Variants in ARPC1A observed in about 807,000 individuals in gnomAD.
The protein encoded by ARPC1A is actin-related protein 2/3 complex subunit 1A.
In ARPC1A, 8 loss-of-function variants were observed where a neutral mutation model predicts 46.9. The observed-to-expected ratio is 0.17, with a 90% CI of 0.10 to 0.31. The LOEUF is 0.31. ARPC1A is among the 10% of genes least tolerant of loss of function. The pLI, the probability that ARPC1A is intolerant of heterozygous loss-of-function variation, is 1.00. For synonymous variants in ARPC1A, 152 were observed against 169.0 expected, an observed-to-expected ratio of 0.90 and a Z score of 0.78; for missense variants, 286 against 483.6, an observed-to-expected ratio of 0.59 and a Z score of 3.83.
Position 99,366,008 on chromosome 7 carries a change from C to T in ARPC1A, c.*79C>T. On this transcript the variant is annotated 3_prime_UTR_variant, in exon 10 of 10. Coordinates refer to ENST00000262942, the MANE Select transcript of ARPC1A (RefSeq NM_006409.4). ...TGCCGTGGCACGATGGCGAGGAAGC[C>T]AGCCCCAAGGAAACACTGAAAACAC... 1 of 1,483,502 alleles carries T rather than the reference C, an allele frequency of 6.7e-7. No homozygotes were observed. Among genetic ancestry groups the T allele is most frequent in the Non-Finnish European group, 9.2e-7 (1 of 1,088,926 alleles). 91.9% of individuals were successfully genotyped at this position (1,483,502 alleles called of 1,614,324 possible). A position where few individuals can be genotyped will look rare whatever the true frequency, so the allele number is the denominator to read the frequency against.
intron 4 of ARPC1A, 64 bp from the exon 5 acceptor site, chr7:99,348,788 A>G (rs1292229994): frequency 6.0e-6 from 8 of 1,331,036 alleles, no homozygotes; most frequent in Non-Finnish European, 7.4e-6. Context: ...CCTGACATAC[A>G]TTTGTAGGTC....
At chr7:99,336,481 A>ATTTTTTTTT (rs757908410) in intron 2 of ARPC1A, among the ~76,000 whole-genome samples, 1 of 103,188 alleles carries the variant, frequency 9.7e-6, no homozygotes, top group Non-Finnish European at 1.8e-5. Context: ...ATAGGTCTTA[A>ATTTTTTTTT]TTTTTTTTTT....
rs369352377 is a variant in ARPC1A at position 99,334,214 on chromosome 7, T to C, written c.64+797T>C. ...CATCTCTACTAAAAATAAAAAAAATTAACCAGGTGTGGTGGTACCTGCCTG... is the reference window on the plus strand; with the variant it reads ...CATCTCTACTAAAAATAAAAAAAATCAACCAGGTGTGGTGGTACCTGCCTG... On this transcript the variant is annotated intron_variant, in intron 2 of 9. Transcript: ENST00000262942. 3.2e-3 allele frequency among the ~76,000 whole-genome samples: 489 copies of C among 151,340 alleles called. 1 individual carries two copies. Among genetic ancestry groups the C allele is most frequent in the African/African-American group, 0.01 (420 of 41,266 alleles).
chr7:99,344,560 C>T (rs1196713493), intron 4 of ARPC1A, 45 bp downstream of exon 4: 1 of 1,582,664 alleles, frequency 6.3e-7, no homozygotes, highest in East Asian at 2.2e-5. Flanking sequence ...ATAGAATTTA[C>T]ATTTGCACTG....
At chr7:99,344,994 G>A (rs1584379929) in intron 4 of ARPC1A, among the ~76,000 whole-genome samples, 2 of 127,204 alleles carry the variant, frequency 1.6e-5, no homozygotes, top group African/African-American at 6.1e-5. Flanking sequence ...GGAGCGCAGT[G>A]ACACGATCAT....
rs368354461 is a variant in ARPC1A, at chr7:99,348,885, C to T, written c.426C>T (p.Arg142=). The T allele has an allele frequency of 3.5e-5, 57 of 1,614,092 alleles. 2 individuals carry two copies. In the East Asian group the frequency reaches 9.8e-4, roughly 28 times the overall value. ...GCAAGCACATTAAAAAGCCGATTCG[C>T]TCCACAGTCCTCAGCTTGGATTGGC... ...WVSKHIKKPI[R]STVLSLDWHP... is the part of the protein sequence containing the mutation. Residue 142 remains arginine, a synonymous_variant, in exon 5 of 10, where the codon CGC becomes CGT. Transcript: ENST00000262942.
intron 5 of ARPC1A, among the ~76,000 whole-genome samples, chr7:99,353,532 C>T (rs953860602): frequency 3.3e-5 from 5 of 151,376 alleles, no homozygotes; most frequent in Admixed American, 6.6e-5. Context: ...GGCTGGAGTG[C>T]AGTGGCGTGA....
At chr7:99,358,449 A>G in intron 7 of ARPC1A, 34 bp downstream of exon 7, 11 of 1,581,812 alleles carry the variant, frequency 7.0e-6, no homozygotes, top group East Asian at 2.2e-5. Context: ...CTCGGGGTGC[A>G]CTGTATGTGA....
At chr7:99,358,449 A>T (rs772850774) in intron 7 of ARPC1A, 34 bp downstream of exon 7, 13 of 1,581,720 alleles carry the variant, frequency 8.2e-6, no homozygotes, top group Non-Finnish European at 2.6e-6. Flanking sequence ...CTCGGGGTGC[A>T]CTGTATGTGA....
intron 1 of ARPC1A, among the ~76,000 whole-genome samples, chr7:99,333,055 C>T (rs185366685): frequency 7.2e-5 from 11 of 152,178 alleles, no homozygotes; most frequent in Admixed American, 2.0e-4. Context: ...TGCCACCACG[C>T]CCAGCTAATT....
rs748408683 is a variant in ARPC1A, at chr7:99,365,958, G to A, written c.*29G>A. The A allele has an allele frequency of 4.5e-6, 7 of 1,561,902 alleles. No individual in the cohort carries two copies. Among genetic ancestry groups the A allele is most frequent in the Non-Finnish European group, 6.1e-6 (7 of 1,151,448 alleles). On this transcript the variant is annotated 3_prime_UTR_variant, in exon 10 of 10. Coordinates refer to ENST00000262942, the MANE Select transcript of ARPC1A (RefSeq NM_006409.4). ...TGAGTGAGCCTCCGCCATCCAGCAT[G>A]ACAAACTGTGGCCGACCGCAGCTGT...
At chr7:99,364,750 C>T (rs1231372353) in intron 9 of ARPC1A, among the ~76,000 whole-genome samples, 3 of 152,102 alleles carry the variant, frequency 2.0e-5, no homozygotes, top group Non-Finnish European at 4.4e-5. Context: ...TTATAGCTGA[C>T]ACTAATTAAT....
At chr7:99,339,331 T>C (rs901669469) in intron 3 of ARPC1A, among the ~76,000 whole-genome samples, 6 of 152,162 alleles carry the variant, frequency 3.9e-5, no homozygotes, top group Non-Finnish European at 8.8e-5. Flanking sequence ...GAGGATCGCT[T>C]GAACCCAGGA....
chr7:99,359,601 C>CGTCT lies in ARPC1A; in HGVS notation c.847_850dup (p.Ser284CysfsTer31). The CGTCT allele has an allele frequency of 6.2e-7, 1 of 1,614,162 alleles. No homozygotes were observed. The highest frequency in any genetic ancestry group is 8.5e-7 in the Non-Finnish European group (1 of 1,180,036). On this transcript the variant is annotated frameshift_variant, in exon 8 of 10. Coordinates refer to ENST00000262942, the MANE Select transcript of ARPC1A (RefSeq NM_006409.4). LOFTEE classifies it high-confidence loss of function. ...ACGATGACCGCGGCTGCCTGACCTT[C>CGTCT]GTCTCCAAGTTAGATATTCCAAAAC...
chr7:99,328,369 A>G (rs1793085935), intron 1 of ARPC1A, among the ~76,000 whole-genome samples: 1 of 152,204 alleles, frequency 6.6e-6, no homozygotes, highest in East Asian at 1.9e-4. Context: ...AACTCCATTT[A>G]AAAAATAGAA....
At chr7:99,344,665 C>T (rs11760647) in intron 4 of ARPC1A, 150 bp downstream of exon 4, 1 of 821,452 alleles carries the variant, frequency 1.2e-6, no homozygotes, top group Non-Finnish European at 1.9e-6. Context: ...ATTTTCCCTT[C>T]TCATGTGCAT....
At chr7:99,338,378 A>ATTTTT (rs754747240) in intron 3 of ARPC1A, 93 bp downstream of exon 3, 38 of 243,022 alleles carry the variant, frequency 1.6e-4, no homozygotes, top group African/African-American at 3.3e-4. Context: ...GGTGGCCATA[A>ATTTTT]TTTTTTTTTT....
At chr7:99,346,165 G>A (rs567319195) in intron 4 of ARPC1A, among the ~76,000 whole-genome samples, 19 of 149,452 alleles carry the variant, frequency 1.3e-4, no homozygotes, top group Admixed American at 6.7e-4. Context: ...GCGGTGAGCC[G>A]AGATCACGCC....
intron 1 of ARPC1A, among the ~76,000 whole-genome samples, chr7:99,332,758 T>TTTTTTGTATTTTTA (rs1389848030): frequency 2.6e-4 from 40 of 150,954 alleles, no homozygotes; most frequent in Non-Finnish European, 4.4e-4. Flanking sequence ...CCCGCTACCA[T>TTTTTTGTATTTTTA]GCCCGGCTAA....
Sources: gnomAD v4.1 joint callset for allele counts (sites outside exome capture counted in the v4.1 genomes callset) on GRCh38, gnomAD v4.1.1 for gene constraint, MANE v1.5 for transcripts, NCBI Gene and HGNC (gene_info 2026-07-23, HGNC 2026-07-21) for gene names.